The following HGF variants were observed in gnomAD, a reference collection of about 807,000 sequenced individuals.
The protein encoded by HGF is fibroblast-derived tumor cytotoxic factor.
A neutral mutation model predicts 111.6 loss-of-function variants in HGF; 39 were observed. That is an observed-to-expected ratio of 0.35 (90% CI 0.27 to 0.46). HGF has a LOEUF of 0.46. Ranked by LOEUF, HGF falls within the 20% of genes least tolerant of loss-of-function variation. HGF has a pLI of 1.00. For missense variants in HGF, 735 were observed against 910.5 expected (o/e 0.81, Z 2.48); for synonymous variants, 285 against 294.8 (o/e 0.97, Z 0.34).
chr7:81,735,498 T>A (rs950958641), intron 7 of HGF, among the ~76,000 whole-genome samples: 4 of 152,086 alleles, frequency 2.6e-5, no homozygotes, highest in Non-Finnish European at 5.9e-5. Flanking sequence ...AAAGAAACAA[T>A]CAGCTTTGTC....
chr7:81,749,617 G>A (rs112218614), intron 5 of HGF, among the ~76,000 whole-genome samples: 1,695 of 152,014 alleles, frequency 0.011, 31 homozygotes, highest in African/African-American at 0.037. Context: ...TTTTTTAAAT[G>A]TACAATATAA....
Position 81,705,738 on chromosome 7 carries a change from A to G in HGF, c.1773T>C (p.Asp591=), listed in dbSNP as rs199516810. The G allele has an allele frequency of 1.1e-5, 18 of 1,609,968 alleles. No individual in the cohort carries two copies. In the East Asian group the frequency reaches 4.0e-4, roughly 36 times the overall value. Residue 591 remains aspartate (D), a synonymous_variant, in exon 16 of 18, where the codon GAT becomes GAC. Transcript: ENST00000222390. The part of the protein sequence containing the change: ...LMKLARPAVL[D]DFVSTIDLPN... ...GTAAATCAATCGTACTAACAAAATC[A>G]TCCAGGACAGCAGGCCTGAAAACAC...
At position 81,757,219 on chromosome 7, in the gene HGF, G is replaced by T. The variant is rs2116179223; in HGVS notation, c.452C>A (p.Pro151His). The part of the protein sequence containing the change: ...SITKSGIKCQ[P>H]WSSMIPHEHS... ...TTCGTGTGGTATCATGGAACTCCAG[G>T]GCTGACATTTGATGCCACTCTTAGT... The change falls in exon 4 of 18, where the codon CCC (proline) becomes CAC (histidine). Residue 151 changes from proline to histidine, a missense_variant. By Grantham distance (77) the Pro-to-His change is moderately conservative (BLOSUM62 -2). Transcript: ENST00000222390. 1 of 1,600,278 alleles carries T rather than the reference G, an allele frequency of 6.2e-7. No homozygotes were observed. The highest frequency in any genetic ancestry group is 8.6e-7 in the Non-Finnish European group (1 of 1,167,522).
intron 3 of HGF, among the ~76,000 whole-genome samples, chr7:81,757,836 C>T (rs531138889): frequency 4.0e-5 from 6 of 151,604 alleles, no homozygotes; most frequent in Non-Finnish European, 7.4e-5. Context: ...CTATATATTC[C>T]TACCAAATAA....
At chr7:81,743,072 T>G (rs1248157056) in intron 7 of HGF, 1 of 895,924 alleles carries the variant, frequency 1.1e-6, no homozygotes, top group Non-Finnish European at 1.8e-6. Context: ...CTCTCTGTGG[T>G]TTTTTAAATT....
chr7:81,739,757 G>T (rs928121943), intron 7 of HGF, among the ~76,000 whole-genome samples: 1 of 151,984 alleles, frequency 6.6e-6, no homozygotes, highest in Non-Finnish European at 1.5e-5. Flanking sequence ...ATGCCCAAAG[G>T]CCCCTAAGAG....
In HGF at chr7:81,705,649, C is replaced by T. The variant is rs770672389; in HGVS notation, c.1862G>A (p.Gly621Glu). ...TCATCTTTTGAAAACTAGCTTACAT[C>T]CAGTGTAGCCCCAGCCATAAACACT... The part of the protein sequence containing the change: ...SCSVYGWGYT[G>E]LINYDGLLRV... The change falls in exon 16 of 18, where the codon GGA (glycine) becomes GAA (glutamate). Residue 621 changes from glycine (G) to glutamate (E), a missense_variant and splice_region_variant. By Grantham distance (98) the Gly-to-Glu change is moderately conservative (BLOSUM62 -2). Coordinates refer to ENST00000222390, the MANE Select transcript of HGF (RefSeq NM_000601.6). 6.2e-7 allele frequency: 1 copy of T among 1,605,194 alleles called. No homozygotes were observed. Among genetic ancestry groups the T allele is most frequent in the Non-Finnish European group, 8.5e-7 (1 of 1,172,416 alleles).
At position 81,726,023 on chromosome 7, in the gene HGF, G is replaced by A. The variant is rs371103859; in HGVS notation, c.1041-6C>T. On this transcript the variant is annotated splice_region_variant and splice_polypyrimidine_tract_variant and intron_variant, in intron 8 of 17. Coordinates refer to ENST00000222390, the MANE Select transcript of HGF (RefSeq NM_000601.6). ...AGTAATTTTCTCGTAGGTCCCTATT[G>A]AGAATAAGCATGTTAATGTAAATTG... 45 of 1,613,728 alleles carry A rather than the reference G, an allele frequency of 2.8e-5. No individual in the cohort carries two copies. Among genetic ancestry groups the A allele is most frequent in the Non-Finnish European group, 3.8e-5 (45 of 1,179,654 alleles).
intron 10 of HGF, among the ~76,000 whole-genome samples, chr7:81,719,307 T>G (rs190465330): frequency 6.6e-6 from 1 of 152,282 alleles, no homozygotes; most frequent in African/African-American, 2.4e-5. Flanking sequence ...TAGCATAAAA[T>G]ATGCTATCTT....
At chr7:81,763,459 G>A (rs540102920) in intron 1 of HGF, among the ~76,000 whole-genome samples, 3 of 152,086 alleles carry the variant, frequency 2.0e-5, no homozygotes, top group Admixed American at 6.6e-5. Context: ...TGGTATCACC[G>A]AACTATTTGT....
At chr7:81,714,243 C>G (rs1047235729) in intron 11 of HGF, among the ~76,000 whole-genome samples, 5 of 151,928 alleles carry the variant, frequency 3.3e-5, no homozygotes. Context: ...TGTCTCCCTT[C>G]TATACTATGA....
chr7:81,709,323 G>A (rs1410111521), intron 13 of HGF, among the ~76,000 whole-genome samples: 1 of 152,104 alleles, frequency 6.6e-6, no homozygotes, highest in African/African-American at 2.4e-5. Context: ...AGACAATGTG[G>A]TTCAAATTCA....
Position 81,706,485 on chromosome 7 carries a change from T to C in HGF, c.1617-58A>G, listed in dbSNP as rs200799622. ...CATAATAATTCCAAATTCTGTAGTA[T>C]TATTCCTATCTATTGTTATTTTAGA... On this transcript the variant is annotated intron_variant, in intron 14 of 17. Coordinates refer to ENST00000222390, the MANE Select transcript of HGF (RefSeq NM_000601.6). 204 of 1,362,536 alleles carry C rather than the reference T, an allele frequency of 1.5e-4. 1 individual carries two copies. The East Asian group carries it at 4.4e-3, about 29-fold the overall frequency. 84.4% of individuals were successfully genotyped at this position (1,362,536 alleles called of 1,614,324 possible).
At chr7:81,769,444 G>A (rs1160301985) in intron 1 of HGF, among the ~76,000 whole-genome samples, 5 of 152,174 alleles carry the variant, frequency 3.3e-5, no homozygotes, top group Non-Finnish European at 7.3e-5. Context: ...TGTTGACTAG[G>A]TGATGTGGAG....
chr7:81,702,414 C>T lies in HGF; in HGVS notation c.*167G>A, dbSNP rs1789305515. ...ACATTGACAAAATAACACTGACAAA[C>T]AAAACAACAGAAAACACCCATAAAC... On this transcript the variant is annotated 3_prime_UTR_variant, in exon 18 of 18. Coordinates refer to ENST00000222390, the MANE Select transcript of HGF (RefSeq NM_000601.6). 1 of 609,056 alleles carries T rather than the reference C, an allele frequency of 1.6e-6. No homozygotes were observed. The highest frequency in any genetic ancestry group is 2.9e-6 in the Non-Finnish European group (1 of 344,364). The allele number at this position is 609,056 out of a possible 1,614,324, so 37.7% of individuals were successfully genotyped here.
At chr7:81,736,268 C>T (rs1215880645) in intron 7 of HGF, among the ~76,000 whole-genome samples, 1 of 152,092 alleles carries the variant, frequency 6.6e-6, no homozygotes, top group Non-Finnish European at 1.5e-5. Context: ...AACGTACACT[C>T]CGTTCTATTT....
intron 1 of HGF, among the ~76,000 whole-genome samples, chr7:81,766,949 A>G (rs1021471221): frequency 1.3e-5 from 2 of 152,192 alleles, no homozygotes; most frequent in African/African-American, 4.8e-5. Context: ...CTCACAGACA[A>G]TATTCCCCAT....
intron 11 of HGF, among the ~76,000 whole-genome samples, chr7:81,712,136 T>C (rs1236811834): frequency 1.3e-5 from 2 of 152,172 alleles, no homozygotes; most frequent in African/African-American, 4.8e-5. Flanking sequence ...TTGAATTACA[T>C]TGCCTTCATC....
chr7:81,725,831 C>T (rs1789990952), intron 9 of HGF, 59 bp downstream of exon 9: 1 of 1,583,076 alleles, frequency 6.3e-7, no homozygotes, highest in Admixed American at 1.7e-5. Flanking sequence ...AATGTGTCCT[C>T]CCTTTAGGCA....
Sources: allele counts gnomAD v4.1 joint callset (sites outside exome capture counted in the v4.1 genomes callset), GRCh38; gene constraint gnomAD v4.1.1; transcripts MANE v1.5; gene names NCBI Gene and HGNC (gene_info 2026-07-23, HGNC 2026-07-21).